The following SMAP1 variants were observed in gnomAD, a reference collection of about 807,000 sequenced individuals.
SMAP1 encodes stromal membrane-associated protein 1.
In SMAP1, 24 loss-of-function variants were observed where a neutral mutation model predicts 58.5. That is an observed-to-expected ratio of 0.41 (90% confidence interval 0.30 to 0.58). The LOEUF (loss-of-function observed/expected upper bound fraction) is 0.58, where lower values mean the gene tolerates loss of function less well. Among genes scored for constraint, SMAP1 ranks in the 20% least tolerant of loss-of-function variants. The pLI is 0.29. For synonymous variants in SMAP1, 216 were observed against 196.6 expected, an observed-to-expected ratio of 1.10 and a Z score of -0.82; for missense variants, 563 against 566.3, an observed-to-expected ratio of 0.99 and a Z score of 0.06.
intron 6 of SMAP1, among the ~76,000 whole-genome samples, chr6:70,800,062 T>G (rs780628204): frequency 1.2e-4 from 18 of 152,214 alleles, no homozygotes; most frequent in Non-Finnish European, 2.4e-4. Flanking sequence ...ATAGCTTCAT[T>G]TATTTTACAT....
chr6:70,728,877 C>T (rs932426759), intron 1 of SMAP1, among the ~76,000 whole-genome samples: 2 of 152,202 alleles, frequency 1.3e-5, no homozygotes, highest in Non-Finnish European at 2.9e-5. Flanking sequence ...GATGAGCTCC[C>T]TCCCTTTTGC....
At chr6:70,695,022 A>G (rs899405378) in intron 1 of SMAP1, among the ~76,000 whole-genome samples, 2 of 151,292 alleles carry the variant, frequency 1.3e-5, no homozygotes, top group Non-Finnish European at 3.0e-5. Context: ...TTTCTTTTCA[A>G]GTTTATTTAT....
intron 4 of SMAP1, among the ~76,000 whole-genome samples, chr6:70,784,351 C>A (rs1180158925): frequency 6.6e-6 from 1 of 152,026 alleles, no homozygotes; most frequent in Non-Finnish European, 1.5e-5. Flanking sequence ...CAAAAACATG[C>A]CAAATTGTAA....
intron 3 of SMAP1, among the ~76,000 whole-genome samples, chr6:70,768,380 T>A (rs1314667410): frequency 1.3e-5 from 2 of 152,346 alleles, no homozygotes; most frequent in Non-Finnish European, 1.5e-5. Context: ...CATCTGGTCC[T>A]GGACTCTTTT....
At chr6:70,709,997 C>T (rs562693858) in intron 1 of SMAP1, among the ~76,000 whole-genome samples, 3 of 151,794 alleles carry the variant, frequency 2.0e-5, no homozygotes, top group African/African-American at 4.8e-5. Flanking sequence ...TAGGTGATTT[C>T]GTCATTGTGG....
intron 2 of SMAP1, among the ~76,000 whole-genome samples, chr6:70,735,314 C>T (rs1765578567): frequency 6.6e-6 from 1 of 152,152 alleles, no homozygotes; most frequent in Non-Finnish European, 1.5e-5. Context: ...GCATACACTA[C>T]ACTGATTTCT....
chr6:70,706,141 C>G (rs771208068), intron 1 of SMAP1, among the ~76,000 whole-genome samples: 11 of 152,046 alleles, frequency 7.2e-5, no homozygotes, highest in Non-Finnish European at 1.5e-4. Context: ...TCATTCTGTT[C>G]CTATTTTGGC....
intron 4 of SMAP1, among the ~76,000 whole-genome samples, chr6:70,784,050 G>T (rs1259983160): frequency 6.6e-6 from 1 of 152,186 alleles, no homozygotes; most frequent in Non-Finnish European, 1.5e-5. Context: ...GGCAGCCAGA[G>T]AGAAAGGTCG....
intron 6 of SMAP1, among the ~76,000 whole-genome samples, chr6:70,835,086 A>T (rs931563603): frequency 2.0e-4 from 7 of 35,632 alleles, no homozygotes; most frequent in Non-Finnish European, 5.0e-4. Context: ...TGTTTCTACT[A>T]AAAAAAAAAA....
At chr6:70,804,609 T>A in intron 6 of SMAP1, among the ~76,000 whole-genome samples, 1 of 152,216 alleles carries the variant, frequency 6.6e-6, no homozygotes, top group Admixed American at 6.5e-5. Flanking sequence ...CTTTCCAATT[T>A]GGCCTGTTTT....
intron 7 of SMAP1, among the ~76,000 whole-genome samples, chr6:70,844,423 A>T (rs953390362): frequency 1.3e-5 from 2 of 152,184 alleles, no homozygotes; most frequent in Non-Finnish European, 2.9e-5. Flanking sequence ...GTGCCTGTGC[A>T]TAAGAGAATC....
At chr6:70,795,010 G>A (rs902731235) in intron 5 of SMAP1, among the ~76,000 whole-genome samples, 1 of 151,922 alleles carries the variant, frequency 6.6e-6, no homozygotes, top group Non-Finnish European at 1.5e-5. Flanking sequence ...GGATGGTCTC[G>A]ATTTCCTGAC....
At chr6:70,744,704 G>C (rs1485699769) in intron 2 of SMAP1, among the ~76,000 whole-genome samples, 5 of 152,140 alleles carry the variant, frequency 3.3e-5, no homozygotes. Context: ...GGGATGGCTG[G>C]GTCAAATGGC....
chr6:70,754,900 A>G (rs941316783), intron 2 of SMAP1, 80 bp from the exon 3 acceptor site: 21 of 696,992 alleles, frequency 3.0e-5, no homozygotes, highest in Non-Finnish European at 4.5e-5. Flanking sequence ...GTATTTGTGT[A>G]TATGTATGTA....
At chr6:70,680,216 A>G (rs1319128859) in intron 1 of SMAP1, among the ~76,000 whole-genome samples, 1 of 152,198 alleles carries the variant, frequency 6.6e-6, no homozygotes, top group Non-Finnish European at 1.5e-5. Flanking sequence ...TAAATTTAAG[A>G]GCTAAAACTA....
At chr6:70,707,254 C>T (rs1351402657) in intron 1 of SMAP1, among the ~76,000 whole-genome samples, 3 of 152,146 alleles carry the variant, frequency 2.0e-5, no homozygotes, top group Non-Finnish European at 2.9e-5. Flanking sequence ...AATATATTCA[C>T]TTGTGTCCAT....
chr6:70,748,695 C>T (rs747898799), intron 2 of SMAP1, among the ~76,000 whole-genome samples: 3 of 152,008 alleles, frequency 2.0e-5, no homozygotes, highest in Non-Finnish European at 4.4e-5. Context: ...ATTACTATAG[C>T]CCCTTCTAAT....
intron 3 of SMAP1, among the ~76,000 whole-genome samples, chr6:70,758,160 C>T (rs1766586367): frequency 6.6e-6 from 1 of 150,458 alleles, no homozygotes; most frequent in South Asian, 2.1e-4. Context: ...GAAAATGTGG[C>T]ACATATACAC....
intron 2 of SMAP1, among the ~76,000 whole-genome samples, chr6:70,742,612 T>G (rs1016427031): frequency 5.3e-5 from 8 of 152,224 alleles, no homozygotes; most frequent in African/African-American, 1.7e-4. Flanking sequence ...TGTTCCAGCC[T>G]CTGCCTGTTC....
Sources: gnomAD v4.1 joint callset for allele counts (sites outside exome capture counted in the v4.1 genomes callset) on GRCh38, gnomAD v4.1.1 for gene constraint, MANE v1.5 for transcripts, NCBI Gene and HGNC (gene_info 2026-07-23, HGNC 2026-07-21) for gene names.